ABCC6: variants seen among roughly 807,000 people sequenced by gnomAD.
ABCC6 encodes ATP-binding cassette sub-family C member 6.
ABCC6 carries 126 observed loss-of-function variants against 169.5 expected under a neutral mutation model. That is an observed-to-expected ratio of 0.74 (90% CI 0.64 to 0.86). ABCC6 has a LOEUF of 0.86. Among genes scored for constraint, ABCC6 ranks in the 40% least tolerant of loss-of-function variants. ABCC6 has a pLI of 0.00. For missense variants in ABCC6, 1,733 were observed against 1,927.2 expected (o/e 0.90, Z 1.89); for synonymous variants, 752 against 814.7 (o/e 0.92, Z 1.31).
intron 13 of ABCC6, 67 bp downstream of exon 13, chr16:16,188,764 G>A: frequency 1.9e-6 from 3 of 1,556,964 alleles, no homozygotes; most frequent in Middle Eastern, 1.8e-4. Flanking sequence ...GCAGGGGTAG[G>A]GAAGCTGGAG....
In ABCC6 at chr16:16,153,497, G is replaced by A. The variant is rs1306674834; in HGVS notation, c.4208+1131C>T. ...AGTGTCTAGAGTAGTCACACTCAGA[G>A]AGACAGGAGAATGCTGGTGGCTGGG... is the stretch of plus-strand genomic sequence containing the variant. On this transcript the variant is annotated intron_variant, in intron 29 of 30. Transcript: ENST00000205557. Among the ~76,000 whole-genome samples the A allele has an allele frequency of 2.6e-5, 4 of 152,252 alleles. No homozygotes were observed. The East Asian group carries it at 5.8e-4, about 22-fold the overall frequency.
chr16:16,196,656 G>T (rs914464896), intron 10 of ABCC6, among the ~76,000 whole-genome samples: 1 of 152,104 alleles, frequency 6.6e-6, no homozygotes, highest in African/African-American at 2.4e-5. Context: ...TCAGAAGGAG[G>T]ATTTGAGCCT....
intron 10 of ABCC6, 97 bp from the exon 11 acceptor site, chr16:16,193,019 T>C: frequency 9.7e-7 from 1 of 1,031,154 alleles, no homozygotes. Context: ...AGGGACTGGG[T>C]AAAATGAGGC....
At position 16,182,909 on chromosome 16, in the gene ABCC6, C is replaced by T; in HGVS notation, c.1965G>A (p.Gln655=). The change falls in exon 16 of 31, where the codon CAG becomes CAA. Residue 655 remains glutamine (Q), a synonymous_variant. Coordinates refer to ENST00000205557, the MANE Select transcript of ABCC6 (RefSeq NM_001171.6). ...GACCGACAACAGCCAGCAGACAGCC[C>T]TGGGGCACCGTGAGGTTTATTCTGG... The part of the protein sequence containing the change: ...CLHRINLTVP[Q]GCLLAVVGPV... 6.2e-7 allele frequency: 1 copy of T among 1,614,106 alleles called. No homozygotes were observed. Among genetic ancestry groups the T allele is most frequent in the Non-Finnish European group, 8.5e-7 (1 of 1,179,984 alleles).
intron 23 of ABCC6, among the ~76,000 whole-genome samples, chr16:16,164,462 G>T (rs1008798908): frequency 6.6e-6 from 1 of 152,174 alleles, no homozygotes; most frequent in Non-Finnish European, 1.5e-5. Context: ...TAGTGTATCA[G>T]AATCTACTAT....
intron 9 of ABCC6, among the ~76,000 whole-genome samples, chr16:16,200,090 A>G (rs1474883254): frequency 6.6e-6 from 1 of 151,462 alleles, no homozygotes; most frequent in Non-Finnish European, 1.5e-5. Flanking sequence ...CAAAACAAAA[A>G]TATTTCTAAA....
intron 4 of ABCC6, among the ~76,000 whole-genome samples, chr16:16,215,239 C>T (rs1418711960): frequency 1.3e-5 from 2 of 152,176 alleles, no homozygotes; most frequent in African/African-American, 4.8e-5. Context: ...TTACTTGCTT[C>T]CTTTGACTCA....
At chr16:16,188,225 C>CA (rs34901331) in intron 13 of ABCC6, among the ~76,000 whole-genome samples, 56,749 of 125,566 alleles carry the variant, frequency 0.45, 11,930 homozygotes, top group Non-Finnish European at 0.51. Context: ...ACTAAAAATA[C>CA]AAAAAAAAAA....
Position 16,173,696 on chromosome 16 carries a change from C to CT in ABCC6, c.2667-293dup, listed in dbSNP as rs763177730. On this transcript the variant is annotated intron_variant, in intron 20 of 30. Transcript: ENST00000205557. ...ATTGGAACTCTGTTCTCAGAATTTT[C>CT]TTTTTTTTTTTTTTTTGAGATGGGG... Among the ~76,000 whole-genome samples the CT allele has an allele frequency of 9.4e-4, 131 of 139,250 alleles. 1 individual carries two copies. Among genetic ancestry groups the CT allele is most frequent in the Admixed American group, 1.3e-3 (18 of 13,794 alleles). The allele number at this position is 139,250 out of a possible 152,430, so 91.4% of individuals were successfully genotyped here.
chr16:16,174,980 G>T (rs1448328005), intron 20 of ABCC6, among the ~76,000 whole-genome samples: 4 of 150,562 alleles, frequency 2.7e-5, no homozygotes, highest in Non-Finnish European at 4.4e-5. Flanking sequence ...TCACCATGTT[G>T]GCCAGGCTGG....
chr16:16,157,822 G>A lies in ABCC6; in HGVS notation c.3736-13C>T, dbSNP rs1178403009. On this transcript the variant is annotated splice_polypyrimidine_tract_variant and intron_variant, in intron 26 of 30. Coordinates refer to ENST00000205557, the MANE Select transcript of ABCC6 (RefSeq NM_001171.6). ...GCCTCCAGGGAGCCTGGAGCAGGAG[G>A]GGAAACTGAGTCAGAGGAGCCTTCC... 1 of 1,606,354 alleles carries A rather than the reference G, an allele frequency of 6.2e-7. No individual in the cohort carries two copies.
chr16:16,166,193 G>A (rs888525768), intron 22 of ABCC6, among the ~76,000 whole-genome samples: 5 of 152,136 alleles, frequency 3.3e-5, no homozygotes, highest in Admixed American at 3.3e-4. Flanking sequence ...GGGACCACAG[G>A]TGTACGCCAC....
At position 16,150,765 on chromosome 16, in the gene ABCC6, G is replaced by A; in HGVS notation, c.4216C>T (p.Gln1406Ter). 2 of 1,613,534 alleles carry A rather than the reference G, an allele frequency of 1.2e-6. No individual in the cohort carries two copies. Among genetic ancestry groups the A allele is most frequent in the Non-Finnish European group, 1.7e-6 (2 of 1,179,876 alleles). The change falls in exon 30 of 31, where the codon CAG becomes TAG. Residue 1406 changes from glutamine (Q) to a stop codon, truncating the protein, a stop_gained. Coordinates refer to ENST00000205557, the MANE Select transcript of ABCC6 (RefSeq NM_001171.6). LOFTEE classifies it high-confidence loss of function. ...CGTGCCAGACACAGGAGCTGTTTCT[G>A]GCCCACGCTGGGAACGATTGGGACA... Reference protein sequence around the residue: ...ADRGEDLSVGQKQLLCLARAL... With the variant: ...ADRGEDLSVG
intron 7 of ABCC6, among the ~76,000 whole-genome samples, chr16:16,204,145 T>C (rs4780611): frequency 4.0e-5 from 6 of 151,866 alleles, no homozygotes; most frequent in Non-Finnish European, 5.9e-5. Flanking sequence ...CAACCTCCAC[T>C]TCCCAGTTCA....
intron 16 of ABCC6, 33 bp from the exon 17 acceptor site, chr16:16,182,621 T>G (rs775774449): frequency 2.1e-5 from 33 of 1,608,078 alleles, no homozygotes; most frequent in Non-Finnish European, 2.7e-5. Flanking sequence ...CACAGGAGGA[T>G]GATGGGGACA....
At position 16,182,821 on chromosome 16, in the gene ABCC6, C is replaced by G. The variant is rs752811993; in HGVS notation, c.2053G>C (p.Gly685Arg). 1 of 1,614,022 alleles carries G rather than the reference C, an allele frequency of 6.2e-7. No individual in the cohort carries two copies. Among genetic ancestry groups the G allele is most frequent in the South Asian group, 1.1e-5 (1 of 91,086 alleles). The change falls in exon 16 of 31, where the codon GGG becomes CGG. Residue 685 changes from glycine (G) to arginine (R), a missense_variant. Coordinates refer to ENST00000205557, the MANE Select transcript of ABCC6 (RefSeq NM_001171.6). ...GGCCTCACCTCGATGCTCACGAACC[C>G]CTCCACCTTTGACAGCTCCCCAAGG... ...ALLGELSKVE[G>R]FVSIEGAVAY...
chr16:16,194,182 T>G (rs899653139), intron 10 of ABCC6, among the ~76,000 whole-genome samples: 8 of 152,226 alleles, frequency 5.3e-5, no homozygotes, highest in African/African-American at 1.4e-4. Context: ...GGTGCAATTC[T>G]CTTGTCTGCA....
chr16:16,208,701 G>T lies in ABCC6; in HGVS notation c.794+27C>A, dbSNP rs2048482682. 1.9e-6 allele frequency: 3 copies of T among 1,613,430 alleles called. No individual in the cohort carries two copies. The African/African-American group carries it at 4.0e-5, about 22-fold the overall frequency. ...ATGAGCTTTTCTGAAGTAGCATCAGGTGAGTTCTTGACCTCCACCCACTTA... is the reference window on the plus strand; with the variant it reads ...ATGAGCTTTTCTGAAGTAGCATCAGTTGAGTTCTTGACCTCCACCCACTTA... On this transcript the variant is annotated intron_variant, in intron 7 of 30. Coordinates refer to ENST00000205557, the MANE Select transcript of ABCC6 (RefSeq NM_001171.6).
intron 9 of ABCC6, among the ~76,000 whole-genome samples, chr16:16,201,654 C>A (rs2048237560): frequency 6.6e-6 from 1 of 152,136 alleles, no homozygotes; most frequent in African/African-American, 2.4e-5. Context: ...ATGGCAAAAC[C>A]TTGTCTCTAC....
Sources: gnomAD v4.1 joint callset for allele counts (sites outside exome capture counted in the v4.1 genomes callset) on GRCh38, gnomAD v4.1.1 for gene constraint, MANE v1.5 for transcripts, NCBI Gene and HGNC (gene_info 2026-07-23, HGNC 2026-07-21) for gene names.